Variants in CHRD observed in about 807,000 individuals in gnomAD.
The protein encoded by CHRD is chordin.
Under a neutral mutation model 113.7 loss-of-function variants are expected in CHRD, and 69 were observed. The observed-to-expected ratio is 0.61, with a 90% CI of 0.50 to 0.74. The LOEUF is 0.74. Among genes scored for constraint, CHRD ranks in the 30% least tolerant of loss-of-function variants. CHRD has a pLI of 0.00. For synonymous variants in CHRD, 561 were observed against 540.8 expected (o/e 1.04, Z -0.52); for missense variants, 1,194 against 1,295.8 (o/e 0.92, Z 1.21).
In CHRD at chr3:184,381,205, A is replaced by T. The variant is rs368192345; in HGVS notation, c.253-30A>T. The T allele has an allele frequency of 4.5e-5, 73 of 1,612,210 alleles. No homozygotes were observed. The highest frequency in any genetic ancestry group is 6.0e-5 in the Non-Finnish European group (71 of 1,179,826). Reference sequence around the variant, plus strand: ...TCTCATCAGTTGGCATCTTGCACTCACTTGGGTTTCCCGCCTTTTCCGGGA... The same window carrying T: ...TCTCATCAGTTGGCATCTTGCACTCTCTTGGGTTTCCCGCCTTTTCCGGGA... On this transcript the variant is annotated intron_variant, in intron 2 of 22. Transcript: ENST00000204604. The surrounding 1 kb of genome is among the most constrained non-coding windows in gnomAD (Gnocchi z 4.7).
Position 184,380,450 on chromosome 3 carries a change from CG to C in CHRD, c.133del (p.Val45PhefsTer24). 1 of 1,219,024 alleles carries C rather than the reference CG, an allele frequency of 8.2e-7. No homozygotes were observed. Among genetic ancestry groups the C allele is most frequent in the Non-Finnish European group, 1.0e-6 (1 of 974,626 alleles). 75.5% of individuals were successfully genotyped at this position (1,219,024 alleles called of 1,614,324 possible). A position where few individuals can be genotyped will look rare whatever the true frequency, so the allele number is the denominator to read the frequency against. ...TCCGTTCTGAGAAGGAGCCGCTGCC[CG>C]TTCGGGGAGCGGCAGGTAGGTGGGC... On this transcript the variant is annotated frameshift_variant, in exon 1 of 23. Coordinates refer to ENST00000204604, the Ensembl canonical transcript of CHRD. LOFTEE classifies it high-confidence loss of function. The surrounding 1 kb of genome is among the most constrained non-coding windows in gnomAD (Gnocchi z 6.3).
rs750188901 is a variant in CHRD at position 184,380,323 on chromosome 3, C to G, written c.5C>G (p.Pro2Arg). 2 of 1,330,792 alleles carry G rather than the reference C, an allele frequency of 1.5e-6. No individual in the cohort carries two copies. The highest frequency in any genetic ancestry group is 9.7e-7 in the Non-Finnish European group (1 of 1,029,398). 82.4% of individuals were successfully genotyped at this position (1,330,792 alleles called of 1,614,324 possible). A position where few individuals can be genotyped will look rare whatever the true frequency, so the allele number is the denominator to read the frequency against. ...CCCAGCTGTCCCGTTCGCGTCATGC[C>G]GAGCCTCCCGGCCCCGCCGGCCCCG... Residue 2 changes from proline to arginine, a missense_variant, in exon 1 of 23, where the codon CCG (proline) becomes CGG (arginine). Physicochemically the swap from Pro to Arg is moderately radical, Grantham distance 103. Transcript: ENST00000204604. This position sits in a 1 kb window ranked among gnomAD's most constrained non-coding sequence, Gnocchi z 6.3.
In CHRD at chr3:184,388,443, C is replaced by T; in HGVS notation, c.2555-144C>T. On this transcript the variant is annotated intron_variant, in intron 20 of 22. Coordinates refer to ENST00000204604, the Ensembl canonical transcript of CHRD. The surrounding 1 kb of genome is among the most constrained non-coding windows in gnomAD (Gnocchi z 6.1). ...TCCATCCATCCATCCGTCCCTTCAT[C>T]CATCCATTCATCTGCCCACCCACCC... The T allele has an allele frequency of 1.2e-6, 1 of 828,256 alleles. No homozygotes were observed. The highest frequency in any genetic ancestry group is 1.9e-6 in the Non-Finnish European group (1 of 520,554). 51.3% of individuals were successfully genotyped at this position (828,256 alleles called of 1,614,324 possible).
Position 184,387,514 on chromosome 3 carries a change from G to T in CHRD, c.2451+37G>T. On this transcript the variant is annotated intron_variant, in intron 19 of 22. Coordinates refer to ENST00000204604, the Ensembl canonical transcript of CHRD. This position sits in a 1 kb window ranked among gnomAD's most constrained non-coding sequence, Gnocchi z 6.1. The stretch of plus-strand genomic sequence containing the variant: ...CAATCTTCTCTGGTGCCATAACCCA[G>T]CGGGGTCTGCAGAGATGGGGAGGGG... 6.4e-7 allele frequency: 1 copy of T among 1,554,028 alleles called. No individual in the cohort carries two copies. Among genetic ancestry groups the T allele is most frequent in the South Asian group, 1.2e-5 (1 of 81,214 alleles).
Position 184,381,834 on chromosome 3 carries a change from C to A in CHRD, c.611+19C>A, listed in dbSNP as rs945911119. Reference sequence around the variant, plus strand: ...ACAGGCGGTGAGAAAGGGGAAGGAGCAAGGAGGGGTCAGCTGCCGGGGCCC... The same window carrying A: ...ACAGGCGGTGAGAAAGGGGAAGGAGAAAGGAGGGGTCAGCTGCCGGGGCCC... On this transcript the variant is annotated intron_variant, in intron 5 of 22. Transcript: ENST00000204604. The surrounding 1 kb of genome is among the most constrained non-coding windows in gnomAD (Gnocchi z 4.7). 1 of 1,611,554 alleles carries A rather than the reference C, an allele frequency of 6.2e-7. No individual in the cohort carries two copies. Among genetic ancestry groups the A allele is most frequent in the Non-Finnish European group, 8.5e-7 (1 of 1,178,858 alleles).
Position 184,386,682 on chromosome 3 carries a change from A to G in CHRD, c.2123A>G (p.Glu708Gly), listed in dbSNP as rs1182618909. 2 of 1,612,088 alleles carry G rather than the reference A, an allele frequency of 1.2e-6. No individual in the cohort carries two copies. Among genetic ancestry groups the G allele is most frequent in the Non-Finnish European group, 1.7e-6 (2 of 1,179,718 alleles). ...CGAGACCCCAACACATGCTTCTTCGAGGGGCAGCAGCGCCCCCACGGGGCT... is the reference window on the plus strand; with the variant it reads ...CGAGACCCCAACACATGCTTCTTCGGGGGGCAGCAGCGCCCCCACGGGGCT... Residue 708 changes from glutamate to glycine, a missense_variant, in exon 16 of 23, where the codon GAG becomes GGG. By Grantham distance (98) the Glu-to-Gly change is moderately conservative. Transcript: ENST00000204604.
chr3:184,380,428 G>A lies in CHRD; in HGVS notation c.110G>A (p.Arg37His). The A allele has an allele frequency of 7.7e-7, 1 of 1,301,034 alleles. No individual in the cohort carries two copies. The highest frequency in any genetic ancestry group is 9.8e-7 in the Non-Finnish European group (1 of 1,018,562). The allele number at this position is 1,301,034 out of a possible 1,614,324, so 80.6% of individuals were successfully genotyped here. A position where few individuals can be genotyped will look rare whatever the true frequency, so the allele number is the denominator to read the frequency against. ...CCAGAGCCCCCCGTGCTGCCCATCC[G>A]TTCTGAGAAGGAGCCGCTGCCCGTT... The change falls in exon 1 of 23, where the codon CGT becomes CAT. Residue 37 changes from arginine (R) to histidine (H), a missense_variant. By Grantham distance (29) the Arg-to-His change is conservative (BLOSUM62 0). Coordinates refer to ENST00000204604, the Ensembl canonical transcript of CHRD. This position sits in a 1 kb window ranked among gnomAD's most constrained non-coding sequence, Gnocchi z 6.3.
At position 184,380,608 on chromosome 3, in the gene CHRD, T is replaced by TGGGACCC. The variant is rs1715163478; in HGVS notation, c.149-75_149-69dup. On this transcript the variant is annotated intron_variant, in intron 1 of 22. Coordinates refer to ENST00000204604, the Ensembl canonical transcript of CHRD. This position sits in a 1 kb window ranked among gnomAD's most constrained non-coding sequence, Gnocchi z 6.3. ...GGCGGGGGCAGAAGGGCGCGGTGCC[T>TGGGACCC]GGGACCCGGGACCCGCGGGCAGCCC... is the stretch of plus-strand genomic sequence containing the variant. 1 of 1,199,488 alleles carries TGGGACCC rather than the reference T, an allele frequency of 8.3e-7. No homozygotes were observed. The highest frequency in any genetic ancestry group is 1.6e-5 in the African/African-American group (1 of 62,114). The allele number at this position is 1,199,488 out of a possible 1,614,324, so 74.3% of individuals were successfully genotyped here. A position where few individuals can be genotyped will look rare whatever the true frequency, so the allele number is the denominator to read the frequency against.
Position 184,384,971 on chromosome 3 carries a change from C to A in CHRD, c.1598-47C>A. On this transcript the variant is annotated intron_variant, in intron 13 of 22. Transcript: ENST00000204604. This position sits in a 1 kb window ranked among gnomAD's most constrained non-coding sequence, Gnocchi z 4.4. ...TGGGAATGCTGGGTTTGAGGGCTTG[C>A]CCTAGGCCACCTTCTCACCTGTCAT... 6.3e-7 allele frequency: 1 copy of A among 1,586,144 alleles called. No individual in the cohort carries two copies. The highest frequency in any genetic ancestry group is 8.6e-7 in the Non-Finnish European group (1 of 1,158,302).
At position 184,381,482 on chromosome 3, in the gene CHRD, C is replaced by A. The variant is rs1432416033; in HGVS notation, c.383-14C>A. The A allele has an allele frequency of 3.2e-6, 5 of 1,586,204 alleles. No homozygotes were observed. Among genetic ancestry groups the A allele is most frequent in the East Asian group, 2.2e-5 (1 of 44,592 alleles). ...GGCCAGCTGAAGCCCGTGTTCTTAC[C>A]CCCCCGCCCGCAGAGCGCAGCAGTT... On this transcript the variant is annotated splice_polypyrimidine_tract_variant and intron_variant, in intron 3 of 22. Coordinates refer to ENST00000204604, the Ensembl canonical transcript of CHRD. This position sits in a 1 kb window ranked among gnomAD's most constrained non-coding sequence, Gnocchi z 4.7.
Position 184,388,241 on chromosome 3 carries a change from A to ATCCATCCG in CHRD, c.2554+215_2554+216insGTCCATCC, listed in dbSNP as rs1716636064. 4.9e-5 allele frequency among the ~76,000 whole-genome samples: 2 copies of ATCCATCCG among 40,894 alleles called. No homozygotes were observed. Among genetic ancestry groups the ATCCATCCG allele is most frequent in the Non-Finnish European group, 1.2e-4 (2 of 16,774 alleles). 26.8% of individuals were successfully genotyped at this position (40,894 alleles called of 152,430 possible). Reference sequence around the variant, plus strand: ...TGGTTCCTGCTCCATCCATCCGTCCATCCATCCATCCATCCATCCATCCAT... The same window carrying ATCCATCCG: ...TGGTTCCTGCTCCATCCATCCGTCCATCCATCCGTCCATCCATCCATCCATCCATCCAT... On this transcript the variant is annotated intron_variant, in intron 20 of 22. Transcript: ENST00000204604. The surrounding 1 kb of genome is among the most constrained non-coding windows in gnomAD (Gnocchi z 6.1).
chr3:184,386,758 A>T lies in CHRD; in HGVS notation c.2196+3A>T, dbSNP rs778705524. On this transcript the variant is annotated splice_donor_region_variant and intron_variant, in intron 16 of 22. Coordinates refer to ENST00000204604, the Ensembl canonical transcript of CHRD. Reference sequence around the variant, plus strand: ...TCTGCTCACTCTGCACCTGCCAGGTAGGAGGTCCTGGAAGGGCACACTGGG... The same window carrying T: ...TCTGCTCACTCTGCACCTGCCAGGTTGGAGGTCCTGGAAGGGCACACTGGG... The T allele has an allele frequency of 6.2e-7, 1 of 1,613,182 alleles. No homozygotes were observed. Among genetic ancestry groups the T allele is most frequent in the Non-Finnish European group, 8.5e-7 (1 of 1,179,810 alleles).
rs1715117405 is a variant in CHRD, at chr3:184,380,439, G to T, written c.121G>T (p.Glu41Ter). Residue 41 changes from glutamate to a stop codon, truncating the protein, a stop_gained, in exon 1 of 23, where the codon GAG (glutamate) becomes TAG (stop). Transcript: ENST00000204604. LOFTEE classifies it high-confidence loss of function. This position sits in a 1 kb window ranked among gnomAD's most constrained non-coding sequence, Gnocchi z 6.3. ...CGTGCTGCCCATCCGTTCTGAGAAG[G>T]AGCCGCTGCCCGTTCGGGGAGCGGC... 3.1e-6 allele frequency: 4 copies of T among 1,279,504 alleles called. No individual in the cohort carries two copies. In the African/African-American group the frequency reaches 4.8e-5, roughly 15 times the overall value. 79.3% of individuals were successfully genotyped at this position (1,279,504 alleles called of 1,614,324 possible). A position where few individuals can be genotyped will look rare whatever the true frequency, so the allele number is the denominator to read the frequency against.
exon 12 of CHRD, chr3:184,383,603 C>G: frequency 6.2e-7 from 1 of 1,613,838 alleles, no homozygotes; most frequent in Non-Finnish European, 8.5e-7. Flanking sequence ...AGCGCACTGT[C>G]CTGTGCCACA....
Position 184,384,814 on chromosome 3 carries a change from T to G in CHRD, c.1597+121T>G. 1 of 1,359,160 alleles carries G rather than the reference T, an allele frequency of 7.4e-7. No homozygotes were observed. Among genetic ancestry groups the G allele is most frequent in the South Asian group, 1.4e-5 (1 of 69,418 alleles). 84.2% of individuals were successfully genotyped at this position (1,359,160 alleles called of 1,614,324 possible). A position where few individuals can be genotyped will look rare whatever the true frequency, so the allele number is the denominator to read the frequency against. Reference sequence around the variant, plus strand: ...CTAAGCTCCGGTTGCCATCTGAAGGTGGGGACATATAGGGTGGCCCTGCTG... The same window carrying G: ...CTAAGCTCCGGTTGCCATCTGAAGGGGGGGACATATAGGGTGGCCCTGCTG... On this transcript the variant is annotated intron_variant, in intron 13 of 22. Coordinates refer to ENST00000204604, the Ensembl canonical transcript of CHRD. This position sits in a 1 kb window ranked among gnomAD's most constrained non-coding sequence, Gnocchi z 4.4.
At chr3:184,382,064 G>A (rs1014184954) in intron 6 of CHRD, 44 bp downstream of exon 6, 1 of 1,606,664 alleles carries the variant, frequency 6.2e-7, no homozygotes, top group African/African-American at 1.3e-5. Context: ...TCTGGGCACT[G>A]TGCCGAGAGC....
Position 184,388,860 on chromosome 3 carries a change from G to A in CHRD, c.2710-33G>A, listed in dbSNP as rs1366549141. On this transcript the variant is annotated intron_variant, in intron 21 of 22. Transcript: ENST00000204604. This position sits in a 1 kb window ranked among gnomAD's most constrained non-coding sequence, Gnocchi z 6.1. ...GGTCACTGTGTCCCAGTGCCTCTGG[G>A]GGACACTCAGTGTCTGCTCTGTCTT... The A allele has an allele frequency of 4.4e-6, 7 of 1,607,792 alleles. No individual in the cohort carries two copies. The highest frequency in any genetic ancestry group is 1.3e-5 in the African/African-American group (1 of 74,834).
Position 184,380,957 on chromosome 3 carries a change from T to C in CHRD, c.252+162T>C. On this transcript the variant is annotated intron_variant, in intron 2 of 22. Coordinates refer to ENST00000204604, the Ensembl canonical transcript of CHRD. This position sits in a 1 kb window ranked among gnomAD's most constrained non-coding sequence, Gnocchi z 6.3. ...GGAATCAGCCCCTCCAATTCTTAGG[T>C]GCTGTTACTGATCGCCCACTCTGTG... 2 of 740,212 alleles carry C rather than the reference T, an allele frequency of 2.7e-6. No individual in the cohort carries two copies. Among genetic ancestry groups the C allele is most frequent in the Non-Finnish European group, 4.8e-6 (2 of 420,940 alleles). 45.9% of individuals were successfully genotyped at this position (740,212 alleles called of 1,614,324 possible).
chr3:184,389,212 G>A (rs1019427116), intron 22 of CHRD, among the ~76,000 whole-genome samples, 155 bp from the exon 23 acceptor site: 1 of 152,208 alleles, frequency 6.6e-6, no homozygotes, highest in Non-Finnish European at 1.5e-5. Flanking sequence ...ATTAAGCAAC[G>A]AGATGAAGGT....
Sources: gnomAD v4.1 joint callset for allele counts (sites outside exome capture counted in the v4.1 genomes callset) on GRCh38, gnomAD v4.1.1 for gene constraint, Gnocchi (gnomAD v3.1) non-coding constraint, MANE v1.5 for transcripts, NCBI Gene and HGNC (gene_info 2026-07-23, HGNC 2026-07-21) for gene names.